SERINC2: variants seen among roughly 807,000 people sequenced by gnomAD.
SERINC2 encodes tumor differentially expressed protein 2.
SERINC2 carries 56 observed loss-of-function variants against 54.2 expected under a neutral mutation model. The observed-to-expected ratio is 1.03, with a 90% CI of 0.83 to 1.29. The LOEUF (loss-of-function observed/expected upper bound fraction) is 1.29, where lower values mean the gene tolerates loss of function less well. SERINC2 is among the 50% of genes most tolerant of loss of function. The pLI is 0.00. For synonymous variants in SERINC2, 272 were observed against 253.1 expected (o/e 1.07, Z -0.71); for missense variants, 614 against 607.4 (o/e 1.01, Z -0.12).
chr1:31,426,727 T>A lies in SERINC2; in HGVS notation c.684T>A (p.Thr228=). ...TGGCGCTGATGTTCATGTACTACACTGAGCCCAGCGGCTGCCACGAGGGCA... is the reference window on the plus strand; with the variant it reads ...TGGCGCTGATGTTCATGTACTACACAGAGCCCAGCGGCTGCCACGAGGGCA... ...AAVALMFMYY[T]EPSGCHEGKV... Residue 228 remains threonine, a synonymous_variant, in exon 6 of 10, where the codon ACT becomes ACA. Coordinates refer to ENST00000373709, the MANE Select transcript of SERINC2 (RefSeq NM_178865.5). The A allele has an allele frequency of 6.2e-7, 1 of 1,614,158 alleles. No individual in the cohort carries two copies. The highest frequency in any genetic ancestry group is 8.5e-7 in the Non-Finnish European group (1 of 1,179,998).
intron 2 of SERINC2, 47 bp from the exon 3 acceptor site, chr1:31,424,636 G>T (rs1553133227): frequency 6.8e-7 from 1 of 1,468,280 alleles, no homozygotes; most frequent in Non-Finnish European, 9.2e-7. Context: ...AGCTGCCAGG[G>T]TTCTGTGAGA....
Position 31,429,040 on chromosome 1 carries a change from C to T in SERINC2, c.843C>T (p.Val281=). 3 of 1,613,988 alleles carry T rather than the reference C, an allele frequency of 1.9e-6. No homozygotes were observed. The highest frequency in any genetic ancestry group is 2.5e-6 in the Non-Finnish European group (3 of 1,179,920). ...ASVITLYTMF[V]TWSALSSIPE... ...TCATCACCCTCTACACCATGTTTGT[C>T]ACCTGGTCAGCCCTATCCAGTATCC... The change falls in exon 7 of 10, where the codon GTC becomes GTT. Residue 281 remains valine (V), a synonymous_variant. Transcript: ENST00000373709.
intron 1 of SERINC2, among the ~76,000 whole-genome samples, chr1:31,415,383 G>T (rs1640757828): frequency 6.6e-6 from 1 of 152,190 alleles, no homozygotes; most frequent in South Asian, 2.1e-4. Context: ...CATTTACTGA[G>T]CCAGGTACTG....
In SERINC2 at chr1:31,423,872, G is replaced by GA. The variant is rs782378930; in HGVS notation, c.201+18_201+19insA. ...TCTACAAGGTGAGTGCCCCAGGGGA[G>GA]GCAGGGCGGCCTCCAGCGAGGGGCG... On this transcript the variant is annotated intron_variant, in intron 2 of 9. Transcript: ENST00000373709. 2 of 1,609,954 alleles carry GA rather than the reference G, an allele frequency of 1.2e-6. No individual in the cohort carries two copies. The highest frequency in any genetic ancestry group is 3.3e-5 in the Admixed American group (2 of 59,916).
At position 31,413,934 on chromosome 1, in the gene SERINC2, T is replaced by A; in HGVS notation, c.39+630T>A. 1 of 1,521,402 alleles carries A rather than the reference T, an allele frequency of 6.6e-7. No homozygotes were observed. Among genetic ancestry groups the A allele is most frequent in the Non-Finnish European group, 8.8e-7 (1 of 1,141,078 alleles). The allele number at this position is 1,521,402 out of a possible 1,614,324, so 94.2% of individuals were successfully genotyped here. Reference sequence around the variant, plus strand: ...CAGTCTCTCTGCGGTCCCTTTACCGTCCTCAGTCTGGCTCGCGCTGCCTCT... The same window carrying A: ...CAGTCTCTCTGCGGTCCCTTTACCGACCTCAGTCTGGCTCGCGCTGCCTCT... On this transcript the variant is annotated intron_variant, in intron 1 of 9. Transcript: ENST00000373709. The surrounding 1 kb of genome is among the most constrained non-coding windows in gnomAD (Gnocchi z 5.0).
At chr1:31,432,083 T>TTAGGGTGGATAGGGTGGATAGGGTGGA (rs1557501058) in intron 8 of SERINC2, among the ~76,000 whole-genome samples, 1 of 19,400 alleles carries the variant, frequency 5.2e-5, no homozygotes, top group Non-Finnish European at 9.6e-5. Context: ...GACAGGGTGG[T>TTAGGGTGGATAGGGTGGATAGGGTGGA]TAGGGTGGAC....
At chr1:31,432,117 GGT>G (rs1641290095) in intron 8 of SERINC2, among the ~76,000 whole-genome samples, 1 of 131,012 alleles carries the variant, frequency 7.6e-6, no homozygotes, top group South Asian at 2.6e-4. Context: ...TGGATAGGGT[GGT>G]TAGGGTGGAT....
At chr1:31,433,563 G>C (rs1172115667) in intron 9 of SERINC2, among the ~76,000 whole-genome samples, 3 of 152,134 alleles carry the variant, frequency 2.0e-5, no homozygotes, top group Non-Finnish European at 4.4e-5. Flanking sequence ...GAAGTCATGA[G>C]GTCTGGGGCT....
intron 1 of SERINC2, among the ~76,000 whole-genome samples, chr1:31,416,614 C>A (rs1045702558): frequency 6.6e-6 from 1 of 152,188 alleles, no homozygotes; most frequent in Admixed American, 6.5e-5. Context: ...CTTGCCTGGG[C>A]CAGTTTTGCA....
At chr1:31,432,528 T>A (rs117437542) in intron 8 of SERINC2, among the ~76,000 whole-genome samples, 1 of 152,120 alleles carries the variant, frequency 6.6e-6, no homozygotes, top group Non-Finnish European at 1.5e-5. Context: ...GCGTGATTAA[T>A]TATTAACATT....
At chr1:31,424,658 G>A in intron 2 of SERINC2, 25 bp from the exon 3 acceptor site, 2 of 1,553,166 alleles carry the variant, frequency 1.3e-6, no homozygotes, top group Non-Finnish European at 1.7e-6. Flanking sequence ...GTGGGGCTTT[G>A]ACGCTGCTCT....
chr1:31,417,852 C>CTTTTTTTTTTTTTTTTT (rs3050463), intron 1 of SERINC2, among the ~76,000 whole-genome samples: 1 of 95,732 alleles, frequency 1.0e-5, no homozygotes, highest in Non-Finnish European at 1.9e-5. Flanking sequence ...AAATTTCATT[C>CTTTTTTTTTTTTTTTTT]TTTTTTTTTT....
intron 5 of SERINC2, 68 bp from the exon 6 acceptor site, chr1:31,426,586 A>T: frequency 7.4e-7 from 1 of 1,358,704 alleles, no homozygotes. Context: ...GGGTCCCTCG[A>T]GGGAGTAGGG....
chr1:31,422,707 G>A (rs781917014), intron 1 of SERINC2, among the ~76,000 whole-genome samples: 15 of 152,154 alleles, frequency 9.9e-5, no homozygotes, highest in African/African-American at 1.4e-4. Flanking sequence ...GCTGTTTGGG[G>A]GAAGATAAAG....
intron 8 of SERINC2, among the ~76,000 whole-genome samples, chr1:31,432,119 T>TGGA (rs1557501382): frequency 3.1e-4 from 3 of 9,726 alleles, no homozygotes; most frequent in Non-Finnish European, 5.5e-4. Flanking sequence ...GATAGGGTGG[T>TGGA]TAGGGTGGAT....
In SERINC2 at chr1:31,434,144, TCTAC is replaced by T; in HGVS notation, c.1316_1319del (p.Tyr439CysfsTer5). 6.2e-7 allele frequency: 1 copy of T among 1,613,900 alleles called. No individual in the cohort carries two copies. ...TGTGCCAGCTGGGCAGGGCTGCTCC[TCTAC>T]CTGTGGACCCTGGTAGCCCCACTCC... On this transcript the variant is annotated frameshift_variant, in exon 10 of 10. Transcript: ENST00000373709. LOFTEE classifies it high-confidence loss of function.
At chr1:31,431,974 G>C (rs1352520461) in intron 8 of SERINC2, among the ~76,000 whole-genome samples, 17 of 136,384 alleles carry the variant, frequency 1.2e-4, no homozygotes, top group Admixed American at 2.9e-4. Context: ...GGATAGGGTG[G>C]ATAGGGTGGA....
At position 31,424,873 on chromosome 1, in the gene SERINC2, G is replaced by T; in HGVS notation, c.392G>T (p.Gly131Val). Residue 131 changes from glycine (G) to valine (V), a missense_variant and splice_region_variant, in exon 3 of 10, where the codon GGG becomes GTG. By Grantham distance (109) the Gly-to-Val change is moderately radical. Coordinates refer to ENST00000373709, the MANE Select transcript of SERINC2 (RefSeq NM_178865.5). ...GACCCCCGGGCTGCCATCCAGAATG[G>T]GTGAGAGAGGGGTCCCTGCCTGCAC... is the stretch of plus-strand genomic sequence containing the variant. ...SRDPRAAIQN[G>V]FWFFKFLILV... 1 of 1,609,124 alleles carries T rather than the reference G, an allele frequency of 6.2e-7. No homozygotes were observed. Among genetic ancestry groups the T allele is most frequent in the East Asian group, 2.2e-5 (1 of 44,780 alleles).
At chr1:31,423,612 C>T (rs1264598884) in intron 1 of SERINC2, 81 bp from the exon 2 acceptor site, 4 of 1,435,740 alleles carry the variant, frequency 2.8e-6, no homozygotes, top group East Asian at 2.4e-5. Context: ...AGCACAGATG[C>T]GCCGACCTCT....
Sources: allele counts gnomAD v4.1 joint callset (sites outside exome capture counted in the v4.1 genomes callset), GRCh38; gene constraint gnomAD v4.1.1; non-coding constraint Gnocchi (gnomAD v3.1); transcripts MANE v1.5; gene names NCBI Gene and HGNC (gene_info 2026-07-23, HGNC 2026-07-21).